MYRF: variants seen among roughly 807,000 people sequenced by gnomAD.
MYRF encodes the protein myelin regulatory factor.
Under a neutral mutation model 126.3 loss-of-function variants are expected in MYRF, and 16 were observed. That is an observed-to-expected ratio of 0.13 (90% CI 0.09 to 0.19). The LOEUF (loss-of-function observed/expected upper bound fraction) is 0.19, where lower values mean the gene tolerates loss of function less well. MYRF is among the 10% of genes least tolerant of loss of function. The pLI, the probability that MYRF is intolerant of heterozygous loss-of-function variation, is 1.00. For synonymous variants in MYRF, 608 were observed against 635.3 expected (o/e 0.96, Z 0.65); for missense variants, 1,104 against 1,547.0 (o/e 0.71, Z 4.80).
chr11:61,779,158 C>T, intron 14 of MYRF, 105 bp from the exon 15 acceptor site: 4 of 1,283,732 alleles, frequency 3.1e-6, no homozygotes, highest in Non-Finnish European at 4.2e-6. Context: ...TGGCCAAGGA[C>T]AGTGGCCGCC....
chr11:61,764,942 T>A (rs1364982496), intron 1 of MYRF, among the ~76,000 whole-genome samples: 1 of 152,194 alleles, frequency 6.6e-6, no homozygotes, highest in Non-Finnish European at 1.5e-5. Flanking sequence ...GGGGGCTAAG[T>A]TCCCCCGCCT....
chr11:61,773,880 T>C (rs2066295287), intron 7 of MYRF, 87 bp from the exon 8 acceptor site: 14 of 1,166,882 alleles, frequency 1.2e-5, no homozygotes, highest in Non-Finnish European at 1.6e-5. Flanking sequence ...GTGTGGGAAA[T>C]GGTTTTGGAA....
Position 61,757,432 on chromosome 11 carries a change from A to G in MYRF, c.46+4642A>G, listed in dbSNP as rs930650214. Reference sequence around the variant, plus strand: ...AGGGTTTCTGGGGTGATTAGGTAAGATTGTGCCTGGCCTGGTGAACACTCC... The same window carrying G: ...AGGGTTTCTGGGGTGATTAGGTAAGGTTGTGCCTGGCCTGGTGAACACTCC... On this transcript the variant is annotated intron_variant, in intron 1 of 26. Coordinates refer to ENST00000278836, the MANE Select transcript of MYRF (RefSeq NM_001127392.3). The surrounding 1 kb of genome is among the most constrained non-coding windows in gnomAD (Gnocchi z 4.7). The G allele has an allele frequency of 2.2e-6, 1 of 452,888 alleles. No individual in the cohort carries two copies. The highest frequency in any genetic ancestry group is 2.0e-5 in the African/African-American group (1 of 49,970). The allele number at this position is 452,888 out of a possible 1,614,324, so 28.1% of individuals were successfully genotyped here.
At position 61,752,709 on chromosome 11, in the gene MYRF, G is replaced by C; in HGVS notation, c.-36G>C. ...CGCGCCCCCGGGCCGGGCTGTAGCGGGGCCGCGGCTGGAGTGTGCGCCGGG... is the reference window on the plus strand; with the variant it reads ...CGCGCCCCCGGGCCGGGCTGTAGCGCGGCCGCGGCTGGAGTGTGCGCCGGG... On this transcript the variant is annotated 5_prime_UTR_variant, in exon 1 of 27. Transcript: ENST00000278836. The C allele has an allele frequency of 3.0e-6, 4 of 1,347,862 alleles. No homozygotes were observed. Among genetic ancestry groups the C allele is most frequent in the Non-Finnish European group, 3.8e-6 (4 of 1,051,306 alleles). The allele number at this position is 1,347,862 out of a possible 1,614,324, so 83.5% of individuals were successfully genotyped here. A position where few individuals can be genotyped will look rare whatever the true frequency, so the allele number is the denominator to read the frequency against.
In MYRF at chr11:61,752,716, G is replaced by T. The variant is rs1290714142; in HGVS notation, c.-29G>T. ...CCGGGCCGGGCTGTAGCGGGGCCGC[G>T]GCTGGAGTGTGCGCCGGGCAGGCGG... On this transcript the variant is annotated 5_prime_UTR_variant, in exon 1 of 27. Coordinates refer to ENST00000278836, the MANE Select transcript of MYRF (RefSeq NM_001127392.3). The T allele has an allele frequency of 4.9e-6, 7 of 1,425,698 alleles. No individual in the cohort carries two copies. The highest frequency in any genetic ancestry group is 3.3e-5 in the Admixed American group (1 of 30,112). 88.3% of individuals were successfully genotyped at this position (1,425,698 alleles called of 1,614,324 possible). A position where few individuals can be genotyped will look rare whatever the true frequency, so the allele number is the denominator to read the frequency against.
rs2066602144 is a variant in MYRF, at chr11:61,783,302, G to A, written c.3017-196G>A. ...GTTCTTTTGAGGAGGCAGACGTCAG[G>A]CTCATGGGAACTGGGTAGTCCTAGG... On this transcript the variant is annotated intron_variant, in intron 22 of 26. Transcript: ENST00000278836. The surrounding 1 kb of genome is among the most constrained non-coding windows in gnomAD (Gnocchi z 4.6). 2 of 500,768 alleles carry A rather than the reference G, an allele frequency of 4.0e-6. No homozygotes were observed. Among genetic ancestry groups the A allele is most frequent in the African/African-American group, 3.8e-5 (2 of 52,194 alleles). The allele number at this position is 500,768 out of a possible 1,614,324, so 31.0% of individuals were successfully genotyped here.
At chr11:61,769,370 T>C in intron 4 of MYRF, 49 bp downstream of exon 4, 2 of 1,487,772 alleles carry the variant, frequency 1.3e-6, no homozygotes, top group East Asian at 2.3e-5. Flanking sequence ...GGGCAAGTAG[T>C]TGGGGCGGCC....
rs1179552939 is a variant in MYRF, at chr11:61,769,143, A to C, written c.399-117A>C. 3 of 639,606 alleles carry C rather than the reference A, an allele frequency of 4.7e-6. No individual in the cohort carries two copies. The African/African-American group carries it at 5.5e-5, about 12-fold the overall frequency. The allele number at this position is 639,606 out of a possible 1,614,324, so 39.6% of individuals were successfully genotyped here. On this transcript the variant is annotated intron_variant, in intron 3 of 26. Coordinates refer to ENST00000278836, the MANE Select transcript of MYRF (RefSeq NM_001127392.3). Reference sequence around the variant, plus strand: ...TGCCCCTAAGGGTGGATGTGACGAAACCTCAGTGTCGCCAGCTTCTGGGGG... The same window carrying C: ...TGCCCCTAAGGGTGGATGTGACGAACCCTCAGTGTCGCCAGCTTCTGGGGG...
chr11:61,758,452 G>A (rs1006746188), intron 1 of MYRF, among the ~76,000 whole-genome samples: 1 of 152,136 alleles, frequency 6.6e-6, no homozygotes, highest in Non-Finnish European at 1.5e-5. Flanking sequence ...GCTCCAGCCG[G>A]AGCTGCTTAG....
chr11:61,769,357 T>C, intron 4 of MYRF, 36 bp downstream of exon 4: 1 of 1,563,740 alleles, frequency 6.4e-7, no homozygotes. Flanking sequence ...TGCTCCAGGG[T>C]TTGGGCAAGT....
intron 1 of MYRF, among the ~76,000 whole-genome samples, chr11:61,763,183 C>T (rs1004114886): frequency 2.0e-5 from 3 of 152,308 alleles, no homozygotes; most frequent in Admixed American, 2.0e-4. Flanking sequence ...GCACAGCAAC[C>T]GCCAGTCACA....
chr11:61,773,751 T>C (rs562099373), intron 7 of MYRF, among the ~76,000 whole-genome samples: 3 of 152,188 alleles, frequency 2.0e-5, no homozygotes, highest in Non-Finnish European at 2.9e-5. Context: ...GCATGGGGTA[T>C]AGGAGAGAAT....
At chr11:61,759,794 G>A (rs198472) in intron 1 of MYRF, among the ~76,000 whole-genome samples, 105,835 of 152,042 alleles carry the variant, frequency 0.7, 38,039 homozygotes, top group East Asian at 0.77. Flanking sequence ...GAACCTGATA[G>A]AAAAACGGCT....
chr11:61,755,370 G>A, intron 1 of MYRF: 1 of 1,607,148 alleles, frequency 6.2e-7, no homozygotes, highest in Non-Finnish European at 8.5e-7. Context: ...AGAGAGGCAA[G>A]GCAGCCCAGA....
chr11:61,762,937 G>A (rs1026347122), intron 1 of MYRF, among the ~76,000 whole-genome samples: 5 of 152,116 alleles, frequency 3.3e-5, no homozygotes, highest in African/African-American at 4.8e-5. Flanking sequence ...TCTGGTTCTC[G>A]TTAGGGTCTC....
At chr11:61,774,708 T>C (rs2066328962) in intron 8 of MYRF, among the ~76,000 whole-genome samples, 1 of 150,458 alleles carries the variant, frequency 6.6e-6, no homozygotes, top group African/African-American at 2.5e-5. Context: ...CCTGCCTCCC[T>C]GCCTCCCTTT....
chr11:61,776,841 G>T lies in MYRF; in HGVS notation c.1554G>T (p.Thr518=), dbSNP rs765329840. ...CTCATGCACAGAACCAGAACTACACGCTGGCCGCCCAGATCTCAGAGCGCA... is the reference window on the plus strand; with the variant it reads ...CTCATGCACAGAACCAGAACTACACTCTGGCCGCCCAGATCTCAGAGCGCA... ...LQAHAQNQNY[T]LAAQISERII... The change falls in exon 11 of 27, where the codon ACG becomes ACT. Residue 518 remains threonine (T), a synonymous_variant. Transcript: ENST00000278836. The surrounding 1 kb of genome is among the most constrained non-coding windows in gnomAD (Gnocchi z 4.3). The T allele has an allele frequency of 6.2e-7, 1 of 1,608,484 alleles. No homozygotes were observed. Among genetic ancestry groups the T allele is most frequent in the Non-Finnish European group, 8.5e-7 (1 of 1,177,818 alleles).
Position 61,776,440 on chromosome 11 carries a change from G to C in MYRF, c.1499+8G>C. On this transcript the variant is annotated splice_region_variant and intron_variant, in intron 10 of 26. Coordinates refer to ENST00000278836, the MANE Select transcript of MYRF (RefSeq NM_001127392.3). The surrounding 1 kb of genome is among the most constrained non-coding windows in gnomAD (Gnocchi z 4.3). ...GCCCAACCCGGACCAGAGGTGAGCAGGTGGGGGCCCTGCCCCGGAGCCCCT... is the reference window on the plus strand; with the variant it reads ...GCCCAACCCGGACCAGAGGTGAGCACGTGGGGGCCCTGCCCCGGAGCCCCT... 6.2e-7 allele frequency: 1 copy of C among 1,609,338 alleles called. No homozygotes were observed. Among genetic ancestry groups the C allele is most frequent in the African/African-American group, 1.3e-5 (1 of 74,898 alleles).
At chr11:61,785,620 G>C (rs2066674729) in intron 25 of MYRF, 180 bp from the exon 26 acceptor site, 1 of 619,442 alleles carries the variant, frequency 1.6e-6, no homozygotes, top group Non-Finnish European at 3.0e-6. Context: ...TCTGCATGGA[G>C]TAGCTGCCAT....
Sources: gnomAD v4.1 joint callset for allele counts (sites outside exome capture counted in the v4.1 genomes callset) on GRCh38, gnomAD v4.1.1 for gene constraint, Gnocchi (gnomAD v3.1) non-coding constraint, MANE v1.5 for transcripts, NCBI Gene and HGNC (gene_info 2026-07-23, HGNC 2026-07-21) for gene names.